The following PIGN variants were observed in gnomAD, a reference collection of about 807,000 sequenced individuals.
PIGN encodes GPI ethanolamine phosphate transferase 1.
Under a neutral mutation model 125.4 loss-of-function variants are expected in PIGN, and 117 were observed. The observed-to-expected ratio is 0.93, with a 90% CI of 0.80 to 1.09. PIGN has a LOEUF of 1.09. Among genes scored for constraint, PIGN ranks in the 50% least tolerant of loss-of-function variants. The pLI is 0.00. For synonymous variants in PIGN, 392 were observed against 377.8 expected (o/e 1.04, Z -0.44); for missense variants, 1,075 against 1,094.9 (o/e 0.98, Z 0.26).
intron 21 of PIGN, among the ~76,000 whole-genome samples, chr18:62,102,479 T>A (rs2034483690): frequency 6.6e-6 from 1 of 151,418 alleles, no homozygotes; most frequent in Admixed American, 6.6e-5. Context: ...GAAGTGACCT[T>A]CCCTGACCCA....
At chr18:62,048,946 T>C (rs1038378950) in intron 30 of PIGN, among the ~76,000 whole-genome samples, 7 of 150,236 alleles carry the variant, frequency 4.7e-5, no homozygotes, top group Non-Finnish European at 8.9e-5. Flanking sequence ...AGTGAGAATA[T>C]GCGGTGTTTG....
At position 62,060,814 on chromosome 18, in the gene PIGN, T is replaced by C. The variant is rs1162934265; in HGVS notation, c.2672+11859A>G. ...ATCTGAATATACGTTTTTATAGTTATGAAAATTACCTCAAAGGAATTTTTT... is the reference window on the plus strand; with the variant it reads ...ATCTGAATATACGTTTTTATAGTTACGAAAATTACCTCAAAGGAATTTTTT... On this transcript the variant is annotated intron_variant, in intron 30 of 30. Coordinates refer to ENST00000640252, the MANE Select transcript of PIGN (RefSeq NM_176787.5). Among the ~76,000 whole-genome samples, 3 of 152,344 alleles carry C rather than the reference T, an allele frequency of 2.0e-5. No homozygotes were observed. In the South Asian group the frequency reaches 6.2e-4, roughly 32 times the overall value.
intron 16 of PIGN, among the ~76,000 whole-genome samples, chr18:62,110,786 C>T (rs531512472): frequency 6.6e-6 from 1 of 151,248 alleles, no homozygotes; most frequent in Non-Finnish European, 1.5e-5. Flanking sequence ...CACATGTGTA[C>T]ATATGTAACA....
chr18:62,137,677 T>G (rs2035983424), intron 14 of PIGN: 1 of 152,800 alleles, frequency 6.5e-6, no homozygotes, highest in South Asian at 2.1e-4. Flanking sequence ...GCTCAAGAGA[T>G]CTGCCTGCCT....
intron 23 of PIGN, among the ~76,000 whole-genome samples, chr18:62,018,493 T>G (rs2144853869): frequency 6.6e-6 from 1 of 152,326 alleles, no homozygotes; most frequent in African/African-American, 2.4e-5. Context: ...TGCAGAAGCA[T>G]CGAATGCAGT....
Position 62,162,534 on chromosome 18 carries a change from T to C in PIGN, c.-109-205A>G, listed in dbSNP as rs540684702. 4.6e-5 allele frequency: 7 copies of C among 151,884 alleles called. No homozygotes were observed. The East Asian group carries it at 1.2e-3, about 25-fold the overall frequency. 9.4% of individuals were successfully genotyped at this position (151,884 alleles called of 1,614,324 possible). A position where few individuals can be genotyped will look rare whatever the true frequency, so the allele number is the denominator to read the frequency against. On this transcript the variant is annotated intron_variant, in intron 2 of 30. Coordinates refer to ENST00000640252, the MANE Select transcript of PIGN (RefSeq NM_176787.5). ...TAACCTTGCAAAAACAAATGAAACA[T>C]TGGAAAAACACTCATCAAAGTCAAG...
At chr18:62,039,507 G>A (rs1373270378), downstream of PIGN, among the ~76,000 whole-genome samples, 3 of 145,614 alleles carry the variant, frequency 2.1e-5, no homozygotes, top group East Asian at 6.2e-4. Flanking sequence ...CGCATCTCAT[G>A]TTTAGGGCCC....
intron 14 of PIGN, among the ~76,000 whole-genome samples, chr18:62,120,402 G>C (rs955059039): frequency 4.6e-5 from 7 of 152,034 alleles, no homozygotes; most frequent in Non-Finnish European, 2.9e-5. Flanking sequence ...ACAGAAAAAT[G>C]TCTTTCACTG....
chr18:62,181,083 T>C (rs2037700957), intron 1 of PIGN, among the ~76,000 whole-genome samples: 3 of 152,322 alleles, frequency 2.0e-5, no homozygotes, highest in African/African-American at 7.2e-5. Context: ...CAAGTATTAG[T>C]ACTGCTACTA....
intron 23 of PIGN, among the ~76,000 whole-genome samples, chr18:62,093,017 ACT>A (rs2034033082): frequency 6.6e-6 from 1 of 151,958 alleles, no homozygotes; most frequent in Non-Finnish European, 1.5e-5. Flanking sequence ...GCAGCTTATA[ACT>A]CTATTGTACA....
chr18:62,090,422 T>C (rs891725776), intron 24 of PIGN, 54 bp downstream of exon 24: 6 of 969,296 alleles, frequency 6.2e-6, no homozygotes, highest in South Asian at 4.9e-5. Flanking sequence ...AACTTCCTTA[T>C]AGGATAGAGA....
At chr18:62,032,211 G>A (rs1054556799) in intron 23 of PIGN, among the ~76,000 whole-genome samples, 1 of 152,206 alleles carries the variant, frequency 6.6e-6, no homozygotes, top group African/African-American at 2.4e-5. Context: ...TGGGGGCTAG[G>A]ATGTGGAGAG....
chr18:62,151,384 CAG>C (rs1305376627), intron 7 of PIGN, among the ~76,000 whole-genome samples: 4 of 152,172 alleles, frequency 2.6e-5, no homozygotes, highest in African/African-American at 9.7e-5. Flanking sequence ...ATGCAAGCAC[CAG>C]AGAGATGCAA....
At position 62,097,068 on chromosome 18, in the gene PIGN, C is replaced by G. The variant is rs1330256431; in HGVS notation, c.2078-1118G>C. Among the ~76,000 whole-genome samples, 3 of 151,244 alleles carry G rather than the reference C, an allele frequency of 2.0e-5. No individual in the cohort carries two copies. In the East Asian group the frequency reaches 5.8e-4, roughly 29 times the overall value. ...CAATGGCAACAAAAGACAAAATTGA[C>G]AAATGGGATCTAATTAAACTAAAGA... On this transcript the variant is annotated intron_variant, in intron 22 of 30. Transcript: ENST00000640252.
At chr18:62,040,077 G>C (rs576488401), downstream of PIGN, among the ~76,000 whole-genome samples, 2 of 61,576 alleles carry the variant, frequency 3.2e-5, no homozygotes, top group Non-Finnish European at 2.9e-5. Flanking sequence ...GGGCCCCATC[G>C]ACGATGCCGC....
intron 7 of PIGN, among the ~76,000 whole-genome samples, chr18:62,152,864 A>AT (rs1220004314): frequency 3.0e-3 from 157 of 52,278 alleles, no homozygotes; most frequent in South Asian, 5.0e-3. Context: ...ATATATATAT[A>AT]TATATTTTTT....
intron 8 of PIGN, 71 bp from the exon 9 acceptor site, chr18:62,147,172 T>C (rs976463965): frequency 1.4e-6 from 2 of 1,472,716 alleles, no homozygotes; most frequent in African/African-American, 2.8e-5. Context: ...CGTGGATTCA[T>C]TACATTCAAA....
chr18:62,024,095 A>G (rs1048466843), intron 23 of PIGN, among the ~76,000 whole-genome samples: 5 of 152,256 alleles, frequency 3.3e-5, no homozygotes, highest in African/African-American at 1.2e-4. Flanking sequence ...ATTAGGATAC[A>G]AAGAGTTTGG....
chr18:62,118,899 G>A (rs1427643430), intron 14 of PIGN, among the ~76,000 whole-genome samples: 1 of 151,006 alleles, frequency 6.6e-6, no homozygotes, highest in African/African-American at 2.4e-5. Flanking sequence ...AAAAAAAAAG[G>A]TAAGTCTGAC....
Sources: allele counts gnomAD v4.1 joint callset (sites outside exome capture counted in the v4.1 genomes callset), GRCh38; gene constraint gnomAD v4.1.1; transcripts MANE v1.5; gene names NCBI Gene and HGNC (gene_info 2026-07-23, HGNC 2026-07-21).